MEGF11: variants seen among roughly 807,000 people sequenced by gnomAD.
The protein encoded by MEGF11 is multiple epidermal growth factor-like domains protein 11.
In MEGF11, 126 loss-of-function variants were observed where a neutral mutation model predicts 146.6. That is an observed-to-expected ratio of 0.86 (90% confidence interval 0.74 to 1.00). The LOEUF (loss-of-function observed/expected upper bound fraction) is 1.00, where lower values mean the gene tolerates loss of function less well. Ranked by LOEUF, MEGF11 falls within the 50% of genes least tolerant of loss-of-function variation. The pLI is 0.00. For missense variants in MEGF11, 1,509 were observed against 1,521.2 expected (o/e 0.99, Z 0.13); for synonymous variants, 532 against 583.4 (o/e 0.91, Z 1.27).
intron 1 of MEGF11, among the ~76,000 whole-genome samples, chr15:66,215,010 A>C (rs1178799132): frequency 6.6e-6 from 1 of 152,138 alleles, no homozygotes; most frequent in African/African-American, 2.4e-5. Context: ...AGGCAGAAGC[A>C]CATGGAATGC....
chr15:65,943,718 C>T (rs1003410765), intron 10 of MEGF11, among the ~76,000 whole-genome samples: 1 of 152,104 alleles, frequency 6.6e-6, no homozygotes, highest in Non-Finnish European at 1.5e-5. Flanking sequence ...AGCTGTGGGG[C>T]AAGCTTAGCA....
At position 65,982,139 on chromosome 15, in the gene MEGF11, G is replaced by GC; in HGVS notation, c.641+102dup. On this transcript the variant is annotated intron_variant, in intron 6 of 25. Transcript: ENST00000395614. The surrounding 1 kb of genome is among the most constrained non-coding windows in gnomAD (Gnocchi z 5.6). ...GCTGCGGTGAGGGCAGCCACTCCAGGCCCCGCCCCAGCCCCTCCACCTCCT... is the reference window on the plus strand; with the variant it reads ...GCTGCGGTGAGGGCAGCCACTCCAGGCCCCCGCCCCAGCCCCTCCACCTCCT... 4.9e-5 allele frequency: 66 copies of GC among 1,341,622 alleles called. No homozygotes were observed. Among genetic ancestry groups the GC allele is most frequent in the South Asian group, 3.2e-4 (22 of 68,124 alleles). The allele number at this position is 1,341,622 out of a possible 1,614,324, so 83.1% of individuals were successfully genotyped here.
chr15:65,999,135 C>T (rs1206762761), intron 5 of MEGF11, among the ~76,000 whole-genome samples: 2 of 151,862 alleles, frequency 1.3e-5, no homozygotes, highest in Non-Finnish European at 2.9e-5. Context: ...GCCTAGGCCT[C>T]CTGGGCTCAT....
intron 5 of MEGF11, among the ~76,000 whole-genome samples, chr15:66,065,005 C>A (rs1174189606): frequency 6.6e-6 from 1 of 152,152 alleles, no homozygotes; most frequent in African/African-American, 2.4e-5. Context: ...CCTCCTGGTC[C>A]ATGCAGTGCC....
intron 1 of MEGF11, among the ~76,000 whole-genome samples, chr15:66,184,722 T>G (rs2090648548): frequency 6.6e-6 from 1 of 151,258 alleles, no homozygotes; most frequent in South Asian, 2.1e-4. Flanking sequence ...CCTCGCTGAC[T>G]TTCTAGGAGT....
intron 1 of MEGF11, among the ~76,000 whole-genome samples, chr15:66,178,299 T>C (rs754280530): frequency 2.0e-5 from 3 of 152,174 alleles, no homozygotes; most frequent in Non-Finnish European, 2.9e-5. Flanking sequence ...CACTACCCTT[T>C]TGAGGGCTTT....
intron 1 of MEGF11, among the ~76,000 whole-genome samples, chr15:66,233,115 T>C (rs949287018): frequency 6.6e-6 from 1 of 152,190 alleles, no homozygotes; most frequent in Non-Finnish European, 1.5e-5. Context: ...CGTGCTCATA[T>C]CACTGGGCTG....
chr15:66,072,496 C>T (rs557124635), intron 5 of MEGF11, among the ~76,000 whole-genome samples: 2 of 152,194 alleles, frequency 1.3e-5, no homozygotes, highest in Non-Finnish European at 2.9e-5. Context: ...AGGGTAATAT[C>T]CATGAAAGCA....
At chr15:66,070,377 A>G (rs1226003786) in intron 5 of MEGF11, among the ~76,000 whole-genome samples, 2 of 152,222 alleles carry the variant, frequency 1.3e-5, no homozygotes, top group Non-Finnish European at 2.9e-5. Flanking sequence ...CACATCTCCA[A>G]CCAAAGGCCA....
At chr15:66,160,046 G>T (rs1358831400) in intron 1 of MEGF11, among the ~76,000 whole-genome samples, 3 of 152,116 alleles carry the variant, frequency 2.0e-5, no homozygotes, top group Non-Finnish European at 4.4e-5. Flanking sequence ...ACTCCAATTT[G>T]TCCATGTGAT....
At position 66,035,909 on chromosome 15, in the gene MEGF11, G is replaced by A. The variant is rs140605970; in HGVS notation, c.395-53421C>T. ...AAGCTTCACATCTACGGGTGAATCT[G>A]TGGCTGATGGCTTGTGTCCTCTGAG... On this transcript the variant is annotated intron_variant, in intron 5 of 25. Transcript: ENST00000395614. Among the ~76,000 whole-genome samples, 376 of 152,338 alleles carry A rather than the reference G, an allele frequency of 2.5e-3. 3 individuals carry two copies. The highest frequency in any genetic ancestry group is 0.018 in the East Asian group (96 of 5,190).
chr15:66,003,603 C>T (rs976853556), intron 5 of MEGF11, among the ~76,000 whole-genome samples: 3 of 152,156 alleles, frequency 2.0e-5, no homozygotes, highest in African/African-American at 7.2e-5. Context: ...CAGCACCCCA[C>T]TTCGAGTCCC....
intron 5 of MEGF11, among the ~76,000 whole-genome samples, chr15:65,994,854 C>T (rs1460304058): frequency 6.6e-6 from 1 of 152,212 alleles, no homozygotes; most frequent in Non-Finnish European, 1.5e-5. Context: ...GCAAAGGCAA[C>T]ATCTGGAGCC....
intron 10 of MEGF11, among the ~76,000 whole-genome samples, chr15:65,948,097 T>C (rs1322047010): frequency 2.6e-5 from 4 of 152,162 alleles, no homozygotes; most frequent in Admixed American, 6.5e-5. Flanking sequence ...AACCCCCTGG[T>C]GACTCCCTTT....
At chr15:66,122,197 G>T (rs2088062543) in intron 3 of MEGF11, among the ~76,000 whole-genome samples, 1 of 151,824 alleles carries the variant, frequency 6.6e-6, no homozygotes, top group African/African-American at 2.4e-5. Context: ...CAGGAAGCCA[G>T]CGATTGCAGT....
chr15:65,976,239 T>A (rs1480084743), intron 7 of MEGF11, among the ~76,000 whole-genome samples: 1 of 151,958 alleles, frequency 6.6e-6, no homozygotes, highest in Non-Finnish European at 1.5e-5. Flanking sequence ...CTGGGTTTCA[T>A]CATGTTGGCC....
At chr15:66,080,895 G>C (rs1267324987) in intron 5 of MEGF11, among the ~76,000 whole-genome samples, 2 of 152,244 alleles carry the variant, frequency 1.3e-5, no homozygotes, top group Admixed American at 6.5e-5. Flanking sequence ...GGTCTGCGAA[G>C]GGCCGCGGGC....
At chr15:66,111,806 G>T (rs535470994) in intron 4 of MEGF11, among the ~76,000 whole-genome samples, 67 of 152,312 alleles carry the variant, frequency 4.4e-4, no homozygotes, top group Admixed American at 3.0e-3. Flanking sequence ...TTAGATAGAG[G>T]TGATATTTGC....
intron 4 of MEGF11, among the ~76,000 whole-genome samples, chr15:66,117,753 C>T (rs1007259764): frequency 6.6e-6 from 1 of 152,140 alleles, no homozygotes; most frequent in Admixed American, 6.5e-5. Flanking sequence ...ACCTGGGTCT[C>T]AGTTACCCCA....
Sources: gnomAD v4.1 joint callset for allele counts (sites outside exome capture counted in the v4.1 genomes callset) on GRCh38, gnomAD v4.1.1 for gene constraint, Gnocchi (gnomAD v3.1) non-coding constraint, MANE v1.5 for transcripts, NCBI Gene and HGNC (gene_info 2026-07-23, HGNC 2026-07-21) for gene names.